CCDC192: variants seen among roughly 807,000 people sequenced by gnomAD.
The protein encoded by CCDC192 is coiled-coil domain containing 192.
intron 3 of CCDC192, among the ~76,000 whole-genome samples, chr5:127,790,438 A>C (rs772768329): frequency 2.6e-5 from 4 of 152,144 alleles, no homozygotes; most frequent in Non-Finnish European, 4.4e-5. Flanking sequence ...CCAACACTCA[A>C]ACATTATCTT....
intron 3 of CCDC192, among the ~76,000 whole-genome samples, chr5:127,777,781 G>T (rs1316458628): frequency 6.6e-6 from 1 of 152,112 alleles, no homozygotes; most frequent in African/African-American, 2.4e-5. Flanking sequence ...GAGTTCTCTT[G>T]CACAAGCTCT....
intron 3 of CCDC192, among the ~76,000 whole-genome samples, chr5:127,772,671 G>A (rs1755630481): frequency 1.3e-5 from 2 of 151,954 alleles, no homozygotes; most frequent in South Asian, 4.2e-4. Context: ...CAAGCTCCAG[G>A]GACCTCTATA....
chr5:127,868,083 C>T (rs1469226745), intron 5 of CCDC192, among the ~76,000 whole-genome samples: 1 of 151,220 alleles, frequency 6.6e-6, no homozygotes, highest in Non-Finnish European at 1.5e-5. Flanking sequence ...GACGTTTCTC[C>T]CTGTCTATGT....
intron 2 of CCDC192, among the ~76,000 whole-genome samples, chr5:127,746,984 A>C (rs1897574): frequency 6.6e-6 from 1 of 152,104 alleles, no homozygotes; most frequent in Non-Finnish European, 1.5e-5. Flanking sequence ...AAATGCACAC[A>C]TGTAAAATCA....
intron 3 of CCDC192, among the ~76,000 whole-genome samples, chr5:127,780,904 A>G (rs1305867539): frequency 2.0e-5 from 3 of 152,180 alleles, no homozygotes; most frequent in African/African-American, 7.2e-5. Flanking sequence ...TGCCTAGGCT[A>G]ATGTCTAGAA....
intron 5 of CCDC192, among the ~76,000 whole-genome samples, chr5:127,813,487 TG>T (rs1758195264): frequency 6.6e-6 from 1 of 152,190 alleles, no homozygotes; most frequent in Admixed American, 6.5e-5. Flanking sequence ...TCATTTGTAG[TG>T]TTTCAAATAT....
chr5:127,744,183 G>A lies in CCDC192; in HGVS notation c.115-10085G>A, dbSNP rs146753211. The stretch of plus-strand genomic sequence containing the variant: ...AGAATGATGAAATTACCACTGTGAT[G>A]TGAATTCTGATCATGAAAGGGGAGC... On this transcript the variant is annotated intron_variant, in intron 2 of 6. Transcript: ENST00000514853. 2.2e-3 allele frequency among the ~76,000 whole-genome samples: 337 copies of A among 151,726 alleles called. 1 individual carries two copies. Among genetic ancestry groups the A allele is most frequent in the African/African-American group, 6.5e-3 (268 of 41,404 alleles).
intron 5 of CCDC192, among the ~76,000 whole-genome samples, chr5:127,846,832 A>C (rs927070467): frequency 2.7e-5 from 4 of 149,100 alleles, no homozygotes; most frequent in African/African-American, 4.9e-5. Flanking sequence ...AAAAAAAAAA[A>C]AAAAAAAAAA....
intron 2 of CCDC192, among the ~76,000 whole-genome samples, chr5:127,713,248 AT>A (rs199866949): frequency 6.6e-4 from 99 of 150,904 alleles, no homozygotes; most frequent in East Asian, 9.7e-4. Flanking sequence ...AAAAAAAAAA[AT>A]TTAGTCGTTC....
At chr5:127,772,813 A>T (rs999195959) in intron 3 of CCDC192, among the ~76,000 whole-genome samples, 1 of 152,180 alleles carries the variant, frequency 6.6e-6, no homozygotes, top group Non-Finnish European at 1.5e-5. Context: ...ATGCTAGCTA[A>T]TCCAAGTTGG....
chr5:127,928,483 A>C (rs1476222257), intron 6 of CCDC192, among the ~76,000 whole-genome samples: 1 of 152,178 alleles, frequency 6.6e-6, no homozygotes, highest in Admixed American at 6.5e-5. Context: ...TTGTGATTAC[A>C]TTGGGTCCAC....
intron 5 of CCDC192, among the ~76,000 whole-genome samples, chr5:127,847,236 C>G (rs1281406591): frequency 6.6e-6 from 1 of 152,176 alleles, no homozygotes; most frequent in Non-Finnish European, 1.5e-5. Flanking sequence ...CATGCTGTTT[C>G]CTCTGTTTAG....
intron 2 of CCDC192, among the ~76,000 whole-genome samples, chr5:127,732,795 A>T (rs1752715160): frequency 6.6e-6 from 1 of 152,174 alleles, no homozygotes; most frequent in African/African-American, 2.4e-5. Context: ...GAATGATGAG[A>T]ACACATGAAC....
At chr5:127,830,875 T>G (rs1749764458) in intron 5 of CCDC192, among the ~76,000 whole-genome samples, 1 of 152,090 alleles carries the variant, frequency 6.6e-6, no homozygotes, top group Non-Finnish European at 1.5e-5. Flanking sequence ...AAATTTAAAT[T>G]TATCTAAACA....
At chr5:127,936,296 CAT>C (rs1353611926) in intron 6 of CCDC192, among the ~76,000 whole-genome samples, 1 of 152,160 alleles carries the variant, frequency 6.6e-6, no homozygotes, top group African/African-American at 2.4e-5. Flanking sequence ...GTAACTTTCA[CAT>C]GTCACTTTTC....
intron 5 of CCDC192, among the ~76,000 whole-genome samples, chr5:127,800,274 A>G (rs1037695278): frequency 1.3e-5 from 2 of 149,694 alleles, no homozygotes; most frequent in African/African-American, 2.5e-5. Flanking sequence ...AGTTCCTTCT[A>G]TCTTAAGCCT....
intron 2 of CCDC192, among the ~76,000 whole-genome samples, chr5:127,738,991 G>T (rs57890647): frequency 0.029 from 4,483 of 152,128 alleles, 147 homozygotes; most frequent in African/African-American, 0.084. Context: ...TTCCTTTGGA[G>T]GAGGAGGAGG....
At chr5:127,816,252 G>A (rs1322977550) in intron 5 of CCDC192, among the ~76,000 whole-genome samples, 1 of 152,174 alleles carries the variant, frequency 6.6e-6, no homozygotes, top group South Asian at 2.1e-4. Context: ...AATTGCATCA[G>A]TAAAGCTTTT....
chr5:127,889,640 G>A (rs1441552921), intron 6 of CCDC192, among the ~76,000 whole-genome samples: 1 of 152,142 alleles, frequency 6.6e-6, no homozygotes, highest in Non-Finnish European at 1.5e-5. Context: ...GACCTCAGGT[G>A]ATCCACCCAC....
Sources: allele counts gnomAD v4.1 joint callset (sites outside exome capture counted in the v4.1 genomes callset), GRCh38; gene constraint gnomAD v4.1.1; transcripts MANE v1.5; gene names NCBI Gene and HGNC (gene_info 2026-07-23, HGNC 2026-07-21).